ELP4: variants seen among roughly 807,000 people sequenced by gnomAD.
ELP4 encodes elongator acetyltransferase complex subunit 4.
Under a neutral mutation model 48.9 loss-of-function variants are expected in ELP4, and 51 were observed. The observed-to-expected ratio is 1.04, with a 90% CI of 0.83 to 1.32. The LOEUF (loss-of-function observed/expected upper bound fraction) is 1.32. Among genes scored for constraint, ELP4 ranks in the 40% most tolerant of loss-of-function variants. The probability of loss-of-function intolerance (pLI) is 0.00; values close to 1 mark genes in which losing one functional copy is unlikely to be tolerated. For missense variants in ELP4, 519 were observed against 514.6 expected (o/e 1.01, Z -0.08); for synonymous variants, 210 against 189.2 (o/e 1.11, Z -0.90).
At chr11:31,728,904 C>G (rs1386732647) in intron 9 of ELP4, among the ~76,000 whole-genome samples, 1 of 151,992 alleles carries the variant, frequency 6.6e-6, no homozygotes. Flanking sequence ...CTCCTTGCCT[C>G]GTGATAAATT....
intron 9 of ELP4, among the ~76,000 whole-genome samples, chr11:31,741,361 A>G (rs1022196404): frequency 6.6e-6 from 1 of 152,196 alleles, no homozygotes; most frequent in Admixed American, 6.5e-5. Flanking sequence ...ACCTCTGCAG[A>G]CGTAAATGTC....
rs973014659 is a variant in ELP4 at position 31,640,756 on chromosome 11, T to G, written c.928-6985T>G. On this transcript the variant is annotated intron_variant, in intron 7 of 9. Transcript: ENST00000640961. ...ACTGTGGCTGAAAGCTTCCAAAGAG[T>G]TGTTAGTGCCACAATTGACCTACAG... is the stretch of plus-strand genomic sequence containing the variant. Among the ~76,000 whole-genome samples the G allele has an allele frequency of 2.6e-5, 4 of 151,798 alleles. 1 individual carries two copies.
chr11:31,632,455 GAC>G, intron 7 of ELP4, 50 bp downstream of exon 7: 1 of 1,438,920 alleles, frequency 6.9e-7, no homozygotes, highest in South Asian at 1.5e-5. Context: ...AATATAGTAT[GAC>G]ATTGTGGTTT....
chr11:31,621,276 A>AAAATG (rs1472140258), intron 5 of ELP4, among the ~76,000 whole-genome samples: 26 of 152,056 alleles, frequency 1.7e-4, no homozygotes, highest in South Asian at 1.7e-3. Context: ...CTTCATCTTC[A>AAAATG]CTTTAAATTA....
At chr11:31,719,007 C>T (rs572876768) in intron 9 of ELP4, among the ~76,000 whole-genome samples, 7 of 152,176 alleles carry the variant, frequency 4.6e-5, no homozygotes, top group African/African-American at 1.7e-4. Context: ...ACCTGTAATC[C>T]TAGTACTTTG....
intron 9 of ELP4, among the ~76,000 whole-genome samples, chr11:31,698,994 T>C: frequency 6.6e-6 from 1 of 152,202 alleles, no homozygotes; most frequent in East Asian, 1.9e-4. Context: ...GTCATGATTA[T>C]ACACCATGCA....
intron 3 of ELP4, among the ~76,000 whole-genome samples, chr11:31,559,905 TAAAA>T (rs11399608): frequency 1.5e-5 from 2 of 131,454 alleles, no homozygotes; most frequent in East Asian, 2.2e-4. Context: ...AAACTCCGTC[TAAAA>T]AAAAAAAAAA....
intron 3 of ELP4, among the ~76,000 whole-genome samples, chr11:31,558,431 A>G (rs1956962580): frequency 1.3e-5 from 2 of 152,186 alleles, no homozygotes; most frequent in African/African-American, 4.8e-5. Context: ...TGCTATATTA[A>G]TATAAACACA....
intron 6 of ELP4, among the ~76,000 whole-genome samples, chr11:31,628,908 A>C (rs1023255014): frequency 1.3e-5 from 2 of 152,130 alleles, no homozygotes; most frequent in Non-Finnish European, 2.9e-5. Context: ...ACTTCAAAAA[A>C]TATTATTCCT....
intron 9 of ELP4, among the ~76,000 whole-genome samples, chr11:31,729,284 A>G (rs1319187426): frequency 1.3e-5 from 2 of 152,226 alleles, no homozygotes; most frequent in Non-Finnish European, 2.9e-5. Context: ...CCAAAGCTCT[A>G]TGGTCTCTGA....
intron 9 of ELP4, among the ~76,000 whole-genome samples, chr11:31,769,817 C>A: frequency 6.6e-6 from 1 of 152,044 alleles, no homozygotes; most frequent in Non-Finnish European, 1.5e-5. Flanking sequence ...AAAAGGAATT[C>A]TCATTTAATT....
intron 9 of ELP4, among the ~76,000 whole-genome samples, chr11:31,781,585 G>A (rs1043209169): frequency 3.9e-5 from 5 of 128,168 alleles, no homozygotes; most frequent in Non-Finnish European, 6.2e-5. Context: ...TGCATCCTCC[G>A]ACTCCCTGGT....
chr11:31,538,552 C>T (rs552073062), intron 2 of ELP4, among the ~76,000 whole-genome samples: 23 of 150,858 alleles, frequency 1.5e-4, no homozygotes, highest in African/African-American at 5.6e-4. Flanking sequence ...TTCCCGATCT[C>T]AGAAGAAAAG....
intron 3 of ELP4, among the ~76,000 whole-genome samples, chr11:31,543,558 A>G (rs759353794): frequency 6.6e-6 from 1 of 152,110 alleles, no homozygotes; most frequent in Non-Finnish European, 1.5e-5. Flanking sequence ...TGACCTCATG[A>G]TCTGCCCACC....
intron 2 of ELP4, among the ~76,000 whole-genome samples, chr11:31,534,264 T>G (rs993512434): frequency 7.4e-6 from 1 of 135,096 alleles, no homozygotes; most frequent in Non-Finnish European, 1.5e-5. Context: ...GAGAGGTGGA[T>G]TGGTGTGTGT....
At chr11:31,781,573 A>T (rs572458472) in intron 9 of ELP4, among the ~76,000 whole-genome samples, 25 of 127,058 alleles carry the variant, frequency 2.0e-4, no homozygotes, top group Middle Eastern at 7.0e-3. Flanking sequence ...ATCTCGGTTC[A>T]CTGCATCCTC....
intron 9 of ELP4, among the ~76,000 whole-genome samples, chr11:31,749,332 C>G (rs568354149): frequency 6.6e-6 from 1 of 152,128 alleles, no homozygotes; most frequent in South Asian, 2.1e-4. Context: ...GAAAGAGACA[C>G]GTAAAAGTCC....
intron 9 of ELP4, among the ~76,000 whole-genome samples, chr11:31,737,890 A>T (rs1366247329): frequency 2.6e-5 from 4 of 152,218 alleles, no homozygotes; most frequent in Non-Finnish European, 5.9e-5. Flanking sequence ...GAGGTTCCTC[A>T]AAAAATTAAA....
At chr11:31,735,769 A>G (rs1407372575) in intron 9 of ELP4, among the ~76,000 whole-genome samples, 17 of 152,294 alleles carry the variant, frequency 1.1e-4, no homozygotes, top group Non-Finnish European at 2.2e-4. Context: ...AACTTACAAG[A>G]GATATGAAGG....
Sources: allele counts gnomAD v4.1 joint callset (sites outside exome capture counted in the v4.1 genomes callset), GRCh38; gene constraint gnomAD v4.1.1; transcripts MANE v1.5; gene names NCBI Gene and HGNC (gene_info 2026-07-23, HGNC 2026-07-21).